HS6ST2: variants seen among roughly 807,000 people sequenced by gnomAD.
HS6ST2 encodes the protein heparan-sulfate 6-O-sulfotransferase 2.
In HS6ST2, 17 loss-of-function variants were observed where a neutral mutation model predicts 33.0. The observed-to-expected ratio is 0.52, with a 90% CI of 0.35 to 0.77. The LOEUF (loss-of-function observed/expected upper bound fraction) is 0.77, where lower values mean the gene tolerates loss of function less well. Ranked by LOEUF, HS6ST2 falls within the 30% of genes least tolerant of loss-of-function variation. The pLI is 0.01. For missense variants in HS6ST2, 519 were observed against 551.7 expected (o/e 0.94, Z 0.59); for synonymous variants, 248 against 237.1 (o/e 1.05, Z -0.42).
intron 2 of HS6ST2, among the ~76,000 whole-genome samples, chrX:132,729,721 G>T (rs1336659964): frequency 9.0e-6 from 1 of 111,508 alleles, no homozygotes; most frequent in Non-Finnish European, 1.9e-5. Flanking sequence ...TATGCAATAG[G>T]TACTATTGTT....
chrX:132,886,986 T>G (rs1420914869), intron 2 of HS6ST2, among the ~76,000 whole-genome samples: 2 of 110,250 alleles, frequency 1.8e-5, no homozygotes, highest in African/African-American at 6.6e-5. Flanking sequence ...AATACAAAAA[T>G]TAGCTGAGCG....
intron 3 of HS6ST2, among the ~76,000 whole-genome samples, chrX:132,670,685 C>T (rs189073159): frequency 1.2e-4 from 14 of 112,101 alleles, no homozygotes; most frequent in Non-Finnish European, 2.4e-4. Flanking sequence ...TGGTGGCGGG[C>T]GTCTGTAATC....
At chrX:132,873,512 T>G (rs1429680295) in intron 2 of HS6ST2, among the ~76,000 whole-genome samples, 1 of 112,075 alleles carries the variant, frequency 8.9e-6, no homozygotes, top group Non-Finnish European at 1.9e-5. Context: ...TTCATTAAAG[T>G]GCATTTGCCT....
At chrX:132,674,371 G>A (rs1336056989) in intron 3 of HS6ST2, among the ~76,000 whole-genome samples, 1 of 111,934 alleles carries the variant, frequency 8.9e-6, no homozygotes, top group Non-Finnish European at 1.9e-5. Flanking sequence ...ATCTACAAAG[G>A]AGAGGGAATT....
chrX:132,654,571 G>A (rs2063717531), intron 4 of HS6ST2, among the ~76,000 whole-genome samples: 1 of 112,106 alleles, frequency 8.9e-6, no homozygotes. Flanking sequence ...GTTCAAGGAG[G>A]AAGAATACTT....
intron 3 of HS6ST2, among the ~76,000 whole-genome samples, chrX:132,672,967 G>A (rs1489509647): frequency 9.0e-6 from 1 of 111,717 alleles, no homozygotes; most frequent in African/African-American, 3.3e-5. Flanking sequence ...TTTGATGGGT[G>A]GCATATAGAA....
At chrX:132,958,708 TG>T, upstream of HS6ST2, 3 of 799,670 alleles carry the variant, frequency 3.8e-6, no homozygotes, top group Non-Finnish European at 3.5e-6. Context: ...GCAGAGAACC[TG>T]GGTTTTCTCT....
rs869155437 is a variant in HS6ST2, at chrX:132,787,188, CATATATATAT to C, written c.948-78704_948-78695del. On this transcript the variant is annotated intron_variant, in intron 2 of 4. Transcript: ENST00000370833. ...ATATGTATATATATATATATATATACATATATATATACACATATATATATACACATATATA... is the reference window on the plus strand; with the variant it reads ...ATATGTATATATATATATATATATACACACATATATATATACACATATATA... Among the ~76,000 whole-genome samples, 80 of 69,884 alleles carry C rather than the reference CATATATATAT, an allele frequency of 1.1e-3. 2 individuals are homozygous for C. Among genetic ancestry groups the C allele is most frequent in the African/African-American group, 4.6e-3 (71 of 15,555 alleles). The allele number at this position is 69,884 out of a possible 115,157, so 60.7% of individuals were successfully genotyped here. A position where few individuals can be genotyped will look rare whatever the true frequency, so the allele number is the denominator to read the frequency against.
At chrX:132,958,656 T>C, upstream of HS6ST2, 2 of 1,041,410 alleles carry the variant, frequency 1.9e-6, no homozygotes, top group Middle Eastern at 2.8e-4. Context: ...CTTGAATTTA[T>C]ATAATAATGC....
intron 2 of HS6ST2, among the ~76,000 whole-genome samples, chrX:132,833,978 T>C (rs189641255): frequency 1.5e-4 from 17 of 110,472 alleles, no homozygotes; most frequent in African/African-American, 4.9e-4. Flanking sequence ...ATATGCACAA[T>C]CACATTCTAT....
At chrX:132,741,729 T>A (rs1248995123) in intron 2 of HS6ST2, among the ~76,000 whole-genome samples, 1 of 111,461 alleles carries the variant, frequency 9.0e-6, no homozygotes, top group Non-Finnish European at 1.9e-5. Context: ...CCTCACTGCG[T>A]ATAAGAGATA....
At chrX:132,815,512 G>C (rs2065386138) in intron 2 of HS6ST2, among the ~76,000 whole-genome samples, 1 of 111,901 alleles carries the variant, frequency 8.9e-6, no homozygotes, top group Non-Finnish European at 1.9e-5. Context: ...GCTCTCAACT[G>C]TTACTATGCT....
rs145456652 is a variant in HS6ST2, at chrX:132,775,388, T to C, written c.948-66894A>G. The stretch of plus-strand genomic sequence containing the variant: ...GTGAGCTCCTTGAGGTCAGCGATCA[T>C]ATGGTTTGCCGCTCTTCCTCCAGTT... On this transcript the variant is annotated intron_variant, in intron 2 of 4. Transcript: ENST00000370833. 1.8e-3 allele frequency among the ~76,000 whole-genome samples: 201 copies of C among 110,575 alleles called. 5 individuals carry two copies. The East Asian group carries it at 0.05, about 28-fold the overall frequency.
In HS6ST2 at chrX:132,628,251, T is replaced by C; in HGVS notation, c.1910A>G (p.Tyr637Cys). 8.6e-7 allele frequency: 1 copy of C among 1,166,279 alleles called. No individual in the cohort carries two copies. The highest frequency in any genetic ancestry group is 1.1e-6 in the Non-Finnish European group (1 of 871,779). The change falls in exon 5 of 5, where the codon TAC becomes TGC. Residue 637 changes from tyrosine (Y) to cysteine (C), a missense_variant. Tyr to Cys is a radical substitution (Grantham distance 194). Transcript: ENST00000370833. ...ACGCCATTTCTCTACACTGCCTATG[T>C]AGTCGTTGGTGCCATTGCTGGTGTT... ...NDNTSNGTND[Y>C]IGSVEKWR
chrX:132,714,403 C>T (rs2064256641), intron 2 of HS6ST2, among the ~76,000 whole-genome samples: 2 of 110,993 alleles, frequency 1.8e-5, no homozygotes, highest in South Asian at 7.7e-4. Context: ...ACCTCTGCCT[C>T]CCAGGATCAA....
intron 2 of HS6ST2, among the ~76,000 whole-genome samples, chrX:132,725,702 T>C (rs2064385812): frequency 8.9e-6 from 1 of 112,209 alleles, no homozygotes; most frequent in Non-Finnish European, 1.9e-5. Context: ...GGAAAAGATA[T>C]CTGCACTCCC....
At chrX:132,804,079 C>T (rs1212376558) in intron 2 of HS6ST2, among the ~76,000 whole-genome samples, 1 of 111,921 alleles carries the variant, frequency 8.9e-6, no homozygotes, top group African/African-American at 3.2e-5. Flanking sequence ...AAAATCAATG[C>T]TGAACTAAAA....
intron 2 of HS6ST2, among the ~76,000 whole-genome samples, chrX:132,710,390 T>G: frequency 1.8e-5 from 2 of 112,206 alleles, no homozygotes; most frequent in South Asian, 7.5e-4. Context: ...TTAATCATGA[T>G]GTTTTATTAA....
intron 2 of HS6ST2, among the ~76,000 whole-genome samples, chrX:132,884,816 C>T (rs2066230286): frequency 9.0e-6 from 1 of 110,936 alleles, no homozygotes; most frequent in African/African-American, 3.3e-5. Context: ...AGGAGAGATA[C>T]TGTGGGAGCA....
Sources: allele counts gnomAD v4.1 joint callset (sites outside exome capture counted in the v4.1 genomes callset), GRCh38; gene constraint gnomAD v4.1.1; transcripts MANE v1.5; gene names NCBI Gene and HGNC (gene_info 2026-07-23, HGNC 2026-07-21).